The following ORMDL3 variants were observed in gnomAD, a reference collection of about 807,000 sequenced individuals.
ORMDL3 encodes ORM1-like protein 3.
A neutral mutation model predicts 12.6 loss-of-function variants in ORMDL3; 6 were observed. The observed-to-expected ratio is 0.48, with a 90% CI of 0.26 to 0.94. The LOEUF is 0.94. Ranked by LOEUF, ORMDL3 falls within the 40% of genes least tolerant of loss-of-function variation. The pLI is 0.14. For synonymous variants in ORMDL3, 99 were observed against 87.2 expected, an observed-to-expected ratio of 1.14 and a Z score of -0.75; for missense variants, 159 against 205.5, an observed-to-expected ratio of 0.77 and a Z score of 1.38.
At position 39,924,143 on chromosome 17, in the gene ORMDL3, C is replaced by A. The variant is rs374865650; in HGVS notation, c.61G>T (p.Gly21Cys). Residue 21 changes from glycine (G) to cysteine (C), a missense_variant, in exon 2 of 4, where the codon GGC (glycine) becomes TGC (cysteine). By Grantham distance (159) the Gly-to-Cys change is radical. Coordinates refer to ENST00000304046, the MANE Select transcript of ORMDL3 (RefSeq NM_139280.4). ...NPNTRVMNSR[G>C]IWLSYVLAIG... ...GCCAGCACGTAGGAGAGCCAGATGC[C>A]ACGGCTGTTCATCACCCGCGTGTTG... 1 of 1,614,092 alleles carries A rather than the reference C, an allele frequency of 6.2e-7. No homozygotes were observed. The highest frequency in any genetic ancestry group is 1.1e-5 in the South Asian group (1 of 91,074).
At chr17:39,922,967 C>G (rs375455995) in intron 3 of ORMDL3, 145 bp downstream of exon 3, 1 of 1,176,722 alleles carries the variant, frequency 8.5e-7, no homozygotes, top group Admixed American at 2.5e-5. Context: ...AAGCCTGAGT[C>G]CAGTGTAAGA....
intron 3 of ORMDL3, 140 bp downstream of exon 3, chr17:39,922,971 TG>T: frequency 8.3e-7 from 1 of 1,202,226 alleles, no homozygotes; most frequent in Non-Finnish European, 1.2e-6. Context: ...CTGAGTCCAG[TG>T]TAAGACCCAG....
chr17:39,925,228 C>T lies in ORMDL3; in HGVS notation c.-22-1003G>A, dbSNP rs150097973. On this transcript the variant is annotated intron_variant, in intron 1 of 3. Transcript: ENST00000304046. ...TATATTAGCACCATGCCTTCCCCTG[C>T]CCAGCACCAACGGTAGGAGTCCTGC... 3 of 152,804 alleles carry T rather than the reference C, an allele frequency of 2.0e-5. No homozygotes were observed. The East Asian group carries it at 5.8e-4, about 29-fold the overall frequency. The allele number at this position is 152,804 out of a possible 1,614,324, so 9.5% of individuals were successfully genotyped here.
chr17:39,927,583 T>C lies in ORMDL3; in HGVS notation c.-122A>G, dbSNP rs760220608. 356 of 985,580 alleles carry C rather than the reference T, an allele frequency of 3.6e-4. No homozygotes were observed. Among genetic ancestry groups the C allele is most frequent in the Non-Finnish European group, 4.0e-4 (332 of 830,116 alleles). 61.1% of individuals were successfully genotyped at this position (985,580 alleles called of 1,614,324 possible). Reference sequence around the variant, plus strand: ...CAACCCGCGGCTGCAGCCTCCCCGCTGGCAGCTCCGGCCGAATCAGCGCTC... The same window carrying C: ...CAACCCGCGGCTGCAGCCTCCCCGCCGGCAGCTCCGGCCGAATCAGCGCTC... On this transcript the variant is annotated 5_prime_UTR_variant, in exon 1 of 4. Coordinates refer to ENST00000304046, the MANE Select transcript of ORMDL3 (RefSeq NM_139280.4).
Position 39,924,174 on chromosome 17 carries a change from C to T in ORMDL3, c.30G>A (p.Val10=). 6.2e-7 allele frequency: 1 copy of T among 1,612,514 alleles called. No homozygotes were observed. Among genetic ancestry groups the T allele is most frequent in the South Asian group, 1.1e-5 (1 of 90,826 alleles). The part of the protein sequence containing the change: MNVGTAHSE[V]NPNTRVMNSR... Reference sequence around the variant, plus strand: ...TGTTCATCACCCGCGTGTTGGGGTTCACCTCGCTGTGCGCTGTGCCCACAT... The same window carrying T: ...TGTTCATCACCCGCGTGTTGGGGTTTACCTCGCTGTGCGCTGTGCCCACAT... Residue 10 remains valine (V), a synonymous_variant, in exon 2 of 4, where the codon GTG becomes GTA. Coordinates refer to ENST00000304046, the MANE Select transcript of ORMDL3 (RefSeq NM_139280.4).
At chr17:39,926,860 T>C in intron 1 of ORMDL3, 1 of 986,098 alleles carries the variant, frequency 1.0e-6, no homozygotes, top group Middle Eastern at 5.2e-4. Flanking sequence ...CAGGCCTGGA[T>C]GGGGACCCCA....
intron 3 of ORMDL3, among the ~76,000 whole-genome samples, 171 bp from the exon 4 acceptor site, chr17:39,922,856 C>T (rs1359966793): frequency 6.6e-6 from 1 of 152,168 alleles, no homozygotes; most frequent in East Asian, 1.9e-4. Context: ...CCTCCTGGCC[C>T]AGTACCGCCC....
Position 39,923,157 on chromosome 17 carries a change from T to A in ORMDL3, c.281A>T (p.Gln94Leu), listed in dbSNP as rs1394059263. 6.2e-7 allele frequency: 1 copy of A among 1,614,120 alleles called. No individual in the cohort carries two copies. The highest frequency in any genetic ancestry group is 8.5e-7 in the Non-Finnish European group (1 of 1,180,034). Reference sequence around the variant, plus strand: ...CAAGAACTTCCGAGAGGCCGTGAACTGGACCCCATAATCCATCTGCTCCCA... The same window carrying A: ...CAAGAACTTCCGAGAGGCCGTGAACAGGACCCCATAATCCATCTGCTCCCA... Reference protein sequence around the residue: ...THWEQMDYGVQFTASRKFLTI... With the variant: ...THWEQMDYGVLFTASRKFLTI... The change falls in exon 3 of 4, where the codon CAG (glutamine) becomes CTG (leucine). Residue 94 changes from glutamine (Q) to leucine (L), a missense_variant. Coordinates refer to ENST00000304046, the MANE Select transcript of ORMDL3 (RefSeq NM_139280.4).
At chr17:39,923,063 C>T (rs748064729) in intron 3 of ORMDL3, 49 bp downstream of exon 3, 7 of 1,610,474 alleles carry the variant, frequency 4.3e-6, no homozygotes, top group East Asian at 2.2e-5. Flanking sequence ...CTGGGGTCCT[C>T]CAGGCCTTGC....
In ORMDL3 at chr17:39,922,678, G is replaced by A. The variant is rs1978305472; in HGVS notation, c.334C>T (p.Leu112Phe). Residue 112 changes from leucine (L) to phenylalanine (F), a missense_variant, in exon 4 of 4, where the codon CTC becomes TTC. Physicochemically the swap from Leu to Phe is conservative, Grantham distance 22. Transcript: ENST00000304046. ...TCGTACTTAGTGTAGAAGCTGGTGA[G>A]GAAGTACCTGGGAGGGGAAGGGTGG... ...LTITPIVLYF[L>F]TSFYTKYDQI... The A allele has an allele frequency of 1.2e-6, 2 of 1,613,646 alleles. No homozygotes were observed. Among genetic ancestry groups the A allele is most frequent in the African/African-American group, 1.3e-5 (1 of 74,908 alleles).
chr17:39,922,533 G>A lies in ORMDL3; in HGVS notation c.*17C>T. ...ACCCCTCCCCTGCCACCCTGGGCAG[G>A]GGAAGGGGCTGCACTCTCAGTACTT... On this transcript the variant is annotated 3_prime_UTR_variant, in exon 4 of 4. Coordinates refer to ENST00000304046, the MANE Select transcript of ORMDL3 (RefSeq NM_139280.4). 1.2e-6 allele frequency: 2 copies of A among 1,612,154 alleles called. No individual in the cohort carries two copies. The highest frequency in any genetic ancestry group is 1.7e-6 in the Non-Finnish European group (2 of 1,179,042).
intron 1 of ORMDL3, chr17:39,926,503 A>G (rs1263394651): frequency 1.3e-5 from 2 of 152,414 alleles, no homozygotes; most frequent in African/African-American, 4.8e-5. Flanking sequence ...GCAGAGGTCG[A>G]CTAGGTCTAC....
chr17:39,922,760 G>T, intron 3 of ORMDL3, 75 bp from the exon 4 acceptor site: 1 of 1,505,736 alleles, frequency 6.6e-7, no homozygotes. Flanking sequence ...CCTGGGAGGG[G>T]AAAGGCAGAA....
chr17:39,922,695 G>C lies in ORMDL3; in HGVS notation c.327-10C>G. 6.2e-7 allele frequency: 1 copy of C among 1,609,850 alleles called. No homozygotes were observed. Among genetic ancestry groups the C allele is most frequent in the African/African-American group, 1.3e-5 (1 of 74,938 alleles). On this transcript the variant is annotated splice_polypyrimidine_tract_variant and intron_variant, in intron 3 of 3. Transcript: ENST00000304046. ...GCTGGTGAGGAAGTACCTGGGAGGG[G>C]AAGGGTGGGGAGAGATATAAAAGAC...
chr17:39,926,308 G>T (rs560628735), intron 1 of ORMDL3: 7 of 152,242 alleles, frequency 4.6e-5, no homozygotes, highest in African/African-American at 1.7e-4. Context: ...TAAACACTAG[G>T]TGCCCTGAGA....
intron 3 of ORMDL3, among the ~76,000 whole-genome samples, 164 bp downstream of exon 3, chr17:39,922,948 G>T (rs187013463): frequency 6.6e-6 from 1 of 152,370 alleles, no homozygotes; most frequent in Admixed American, 6.5e-5. Flanking sequence ...ATGGGGCCAG[G>T]GAGGCCCAAA....
Position 39,923,392 on chromosome 17 carries a change from G to A in ORMDL3, c.175-129C>T. The stretch of plus-strand genomic sequence containing the variant: ...TCCCTCTGCTGGGCAGGGGGATATG[G>A]GCTGGAGGTCAGGATGGAGCAGCTG... On this transcript the variant is annotated intron_variant, in intron 2 of 3. Transcript: ENST00000304046. 6 of 1,071,390 alleles carry A rather than the reference G, an allele frequency of 5.6e-6. No homozygotes were observed. In the East Asian group the frequency reaches 1.4e-4, roughly 26 times the overall value. 66.4% of individuals were successfully genotyped at this position (1,071,390 alleles called of 1,614,324 possible).
chr17:39,923,948 C>T (rs1240349937), intron 2 of ORMDL3, 82 bp downstream of exon 2: 7 of 1,393,154 alleles, frequency 5.0e-6, no homozygotes, highest in East Asian at 2.5e-5. Context: ...GCCCGACAGG[C>T]TCCTCCTATC....
intron 2 of ORMDL3, among the ~76,000 whole-genome samples, 155 bp from the exon 3 acceptor site, chr17:39,923,418 G>C (rs1978314212): frequency 2.0e-5 from 3 of 152,102 alleles, no homozygotes; most frequent in Admixed American, 6.5e-5. Context: ...GGAGCAGCTG[G>C]GAGTATGGCA....
Sources: allele counts gnomAD v4.1 joint callset (sites outside exome capture counted in the v4.1 genomes callset), GRCh38; gene constraint gnomAD v4.1.1; transcripts MANE v1.5; gene names NCBI Gene and HGNC (gene_info 2026-07-23, HGNC 2026-07-21).